Variants in TAFA2 observed in about 807,000 individuals in gnomAD.
TAFA2 encodes the protein chemokine-like protein TAFA-2.
TAFA2 carries 7 observed loss-of-function variants against 18.8 expected under a neutral mutation model. The ratio of observed to expected loss-of-function variants is 0.37; its 90% CI spans 0.21 to 0.70. The LOEUF (loss-of-function observed/expected upper bound fraction) is 0.70, where lower values mean the gene tolerates loss of function less well. Ranked by LOEUF, TAFA2 falls within the 30% of genes least tolerant of loss-of-function variation. TAFA2 has a pLI of 0.53. For missense variants in TAFA2, 122 were observed against 158.1 expected (o/e 0.77, Z 1.23); for synonymous variants, 60 against 54.2 (o/e 1.11, Z -0.47).
intron 1 of TAFA2, among the ~76,000 whole-genome samples, chr12:62,161,813 A>T (rs1592374874): frequency 6.6e-6 from 1 of 152,208 alleles, no homozygotes; most frequent in South Asian, 2.1e-4. Context: ...TTAAATGTCT[A>T]TATACCACAC....
At chr12:62,021,203 A>G (rs1252190858) in intron 1 of TAFA2, among the ~76,000 whole-genome samples, 1 of 152,362 alleles carries the variant, frequency 6.6e-6, no homozygotes, top group African/African-American at 2.4e-5. Flanking sequence ...TAATCTCATA[A>G]TATTTGATTA....
intron 1 of TAFA2, among the ~76,000 whole-genome samples, chr12:62,074,792 C>T (rs563687514): frequency 2.9e-4 from 43 of 149,084 alleles, no homozygotes; most frequent in African/African-American, 1.0e-3. Flanking sequence ...ACTTCCATTT[C>T]CTATGTTCAA....
chr12:61,804,972 T>C (rs958021720), intron 2 of TAFA2, among the ~76,000 whole-genome samples: 16 of 151,998 alleles, frequency 1.1e-4, no homozygotes, highest in South Asian at 2.1e-4. Flanking sequence ...TAATCAAACA[T>C]ACTCTAAAAC....
At chr12:61,773,763 A>G (rs142538669) in intron 2 of TAFA2, among the ~76,000 whole-genome samples, 334 of 152,136 alleles carry the variant, frequency 2.2e-3, no homozygotes, top group African/African-American at 7.2e-3. Flanking sequence ...AGAAGAAAAC[A>G]TTGGAAAAAC....
intron 1 of TAFA2, among the ~76,000 whole-genome samples, chr12:62,061,382 A>C (rs1278493268): frequency 6.6e-6 from 1 of 152,188 alleles, no homozygotes; most frequent in Non-Finnish European, 1.5e-5. Flanking sequence ...CATGATGTAC[A>C]TGTGTGTAGC....
At chr12:61,794,512 A>G (rs567184540) in intron 2 of TAFA2, among the ~76,000 whole-genome samples, 9 of 152,202 alleles carry the variant, frequency 5.9e-5, no homozygotes, top group African/African-American at 1.7e-4. Flanking sequence ...ACATTGATAA[A>G]AGAAATTAAG....
intron 1 of TAFA2, among the ~76,000 whole-genome samples, chr12:62,010,649 C>T (rs939180653): frequency 7.2e-4 from 109 of 151,460 alleles, no homozygotes; most frequent in Non-Finnish European, 1.3e-3. Context: ...TCTGCCCGGC[C>T]GCCCTTACTC....
intron 1 of TAFA2, among the ~76,000 whole-genome samples, chr12:62,219,560 C>T (rs550798030): frequency 1.3e-5 from 2 of 152,164 alleles, no homozygotes; most frequent in East Asian, 3.9e-4. Flanking sequence ...TGAATTGAAC[C>T]TTTGAAATTG....
intron 1 of TAFA2, among the ~76,000 whole-genome samples, chr12:62,250,278 C>T (rs1455876528): frequency 1.3e-5 from 2 of 152,180 alleles, no homozygotes; most frequent in Non-Finnish European, 2.9e-5. Context: ...CTGGCATATA[C>T]TATAACTGAT....
chr12:61,887,203 C>A (rs923622352), intron 1 of TAFA2, among the ~76,000 whole-genome samples: 5 of 152,112 alleles, frequency 3.3e-5, no homozygotes, highest in African/African-American at 1.2e-4. Flanking sequence ...CTTCTCTGCC[C>A]CTCCCCAGGA....
intron 1 of TAFA2, among the ~76,000 whole-genome samples, chr12:61,990,336 A>AT (rs1879959409): frequency 3.5e-5 from 2 of 57,270 alleles, no homozygotes. Flanking sequence ...ACACTGTGCC[A>AT]ATTTTTTTTT....
At chr12:61,797,948 C>T (rs999133579) in intron 2 of TAFA2, among the ~76,000 whole-genome samples, 1 of 152,248 alleles carries the variant, frequency 6.6e-6, no homozygotes, top group Middle Eastern at 3.4e-3. Context: ...AGTGTCTACT[C>T]ATATAGAAAT....
At chr12:62,058,275 T>C (rs928108109) in intron 1 of TAFA2, among the ~76,000 whole-genome samples, 3 of 152,184 alleles carry the variant, frequency 2.0e-5, no homozygotes, top group African/African-American at 4.8e-5. Flanking sequence ...TTGGGATTCC[T>C]TGGGTTTTCC....
chr12:61,830,537 TA>T (rs1369610762), intron 2 of TAFA2, among the ~76,000 whole-genome samples: 2 of 151,784 alleles, frequency 1.3e-5, no homozygotes, highest in South Asian at 4.1e-4. Flanking sequence ...AAGTGGAAGC[TA>T]AATAACGTGT....
intron 2 of TAFA2, among the ~76,000 whole-genome samples, chr12:61,829,791 A>C (rs192016863): frequency 6.6e-6 from 1 of 151,750 alleles, no homozygotes. Context: ...AGCATTGATA[A>C]GATTTAAAAA....
intron 1 of TAFA2, among the ~76,000 whole-genome samples, chr12:62,232,121 G>A (rs986869976): frequency 6.6e-6 from 1 of 152,066 alleles, no homozygotes; most frequent in Non-Finnish European, 1.5e-5. Flanking sequence ...CACAATAAAT[G>A]GAAAATTAAT....
At chr12:62,105,888 T>C (rs1200095796) in intron 1 of TAFA2, among the ~76,000 whole-genome samples, 3 of 152,204 alleles carry the variant, frequency 2.0e-5, no homozygotes, top group African/African-American at 7.2e-5. Context: ...AAAGGAATCA[T>C]CCAGCGTCTG....
rs1176894121 is a variant in TAFA2 at position 62,235,072 on chromosome 12, G to A, written c.-130+23691C>T. ...ATTCCAGTGGAAGCTGAGACTGGCAGCCTGAAGGCCCTGGCCACCTTTGGA... is the reference window on the plus strand; with the variant it reads ...ATTCCAGTGGAAGCTGAGACTGGCAACCTGAAGGCCCTGGCCACCTTTGGA... On this transcript the variant is annotated intron_variant, in intron 1 of 5. Transcript: ENST00000551619. The A allele has an allele frequency of 1.8e-5, 11 of 623,206 alleles. No individual in the cohort carries two copies. The East Asian group carries it at 3.6e-4, about 20-fold the overall frequency. 38.6% of individuals were successfully genotyped at this position (623,206 alleles called of 1,614,324 possible).
At chr12:61,777,528 G>A (rs1870317744) in intron 2 of TAFA2, among the ~76,000 whole-genome samples, 1 of 151,590 alleles carries the variant, frequency 6.6e-6, no homozygotes, top group Admixed American at 6.6e-5. Context: ...GTTAACTTAT[G>A]GATCTAGTCC....
Sources: allele counts gnomAD v4.1 joint callset (sites outside exome capture counted in the v4.1 genomes callset), GRCh38; gene constraint gnomAD v4.1.1; transcripts MANE v1.5; gene names NCBI Gene and HGNC (gene_info 2026-07-23, HGNC 2026-07-21).